The following RIMS1 variants were observed in gnomAD, a reference collection of about 807,000 sequenced individuals.
RIMS1 encodes the protein regulating synaptic membrane exocytosis 1.
RIMS1 carries 83 observed loss-of-function variants against 214.1 expected under a neutral mutation model. The ratio of observed to expected loss-of-function variants is 0.39; its 90% CI spans 0.32 to 0.47. The LOEUF is 0.47. Among genes scored for constraint, RIMS1 ranks in the 20% least tolerant of loss-of-function variants. RIMS1 has a pLI of 0.99. For synonymous variants in RIMS1, 793 were observed against 786.8 expected (o/e 1.01, Z -0.13); for missense variants, 2,050 against 2,161.8 (o/e 0.95, Z 1.03).
intron 29 of RIMS1, among the ~76,000 whole-genome samples, chr6:72,359,651 AAATT>A (rs1373839486): frequency 6.6e-6 from 1 of 152,156 alleles, no homozygotes. Context: ...TAGTACAAGA[AAATT>A]AATTGACTAC....
intron 6 of RIMS1, among the ~76,000 whole-genome samples, chr6:72,229,241 G>T (rs547333155): frequency 7.5e-6 from 1 of 133,980 alleles, no homozygotes; most frequent in Non-Finnish European, 1.6e-5. Flanking sequence ...AGTGAATATT[G>T]GCCTGAATTT....
In RIMS1 at chr6:72,093,677, T is replaced by A. The variant is rs368013593; in HGVS notation, c.246-3272T>A. Among the ~76,000 whole-genome samples, 3 of 152,252 alleles carry A rather than the reference T, an allele frequency of 2.0e-5. No individual in the cohort carries two copies. The East Asian group carries it at 5.8e-4, about 29-fold the overall frequency. The stretch of plus-strand genomic sequence containing the variant: ...ATGTGTTAGATTTTTTTTTACCATG[T>A]CATACTGTAATATTTAAATGTTCTG... On this transcript the variant is annotated intron_variant, in intron 2 of 33. Transcript: ENST00000521978.
chr6:72,282,008 T>C (rs1363888281), intron 23 of RIMS1, among the ~76,000 whole-genome samples: 1 of 151,910 alleles, frequency 6.6e-6, no homozygotes, highest in Non-Finnish European at 1.5e-5. Context: ...CAGTGCCTAG[T>C]ATATATACAT....
chr6:72,001,387 T>A (rs1805187782), intron 2 of RIMS1, among the ~76,000 whole-genome samples: 1 of 152,192 alleles, frequency 6.6e-6, no homozygotes, highest in African/African-American at 2.4e-5. Flanking sequence ...TATAATCTCA[T>A]CCTCATAATT....
intron 2 of RIMS1, among the ~76,000 whole-genome samples, chr6:72,038,634 G>A (rs148035249): frequency 1.6e-4 from 25 of 152,206 alleles, no homozygotes; most frequent in Middle Eastern, 3.4e-3. Context: ...AAAGAATCAA[G>A]GTCAGTTATG....
intron 6 of RIMS1, among the ~76,000 whole-genome samples, chr6:72,225,341 A>G (rs115244086): frequency 0.017 from 2,629 of 152,046 alleles, 25 homozygotes; most frequent in African/African-American, 0.024. Flanking sequence ...TCATTTTACT[A>G]TTTTCATTTA....
intron 1 of RIMS1, among the ~76,000 whole-genome samples, chr6:71,943,972 A>G (rs1561936276): frequency 6.6e-6 from 1 of 152,198 alleles, no homozygotes; most frequent in Non-Finnish European, 1.5e-5. Flanking sequence ...TTAACGTGTA[A>G]TATAGGAAAT....
chr6:72,075,858 A>C (rs762004812), intron 2 of RIMS1, among the ~76,000 whole-genome samples: 3 of 152,208 alleles, frequency 2.0e-5, no homozygotes, highest in Admixed American at 6.5e-5. Flanking sequence ...TTAAAATTAA[A>C]TAGTAAGAAT....
intron 1 of RIMS1, among the ~76,000 whole-genome samples, chr6:71,934,867 TA>T (rs1161517122): frequency 2.0e-5 from 3 of 152,190 alleles, no homozygotes; most frequent in African/African-American, 7.2e-5. Context: ...ATTGTATTTG[TA>T]GAAAAACCAC....
chr6:71,971,631 A>G (rs1219522817), intron 2 of RIMS1, among the ~76,000 whole-genome samples: 5 of 152,200 alleles, frequency 3.3e-5, no homozygotes, highest in Non-Finnish European at 7.3e-5. Context: ...AAAGAGGTTT[A>G]TTGGACTTAC....
chr6:72,245,888 TA>T, intron 11 of RIMS1, 27 bp downstream of exon 11: 1 of 1,498,010 alleles, frequency 6.7e-7, no homozygotes. Flanking sequence ...TTTGTTATTA[TA>T]AAAGTATTGA....
At chr6:72,145,333 G>C (rs1434024636) in intron 4 of RIMS1, among the ~76,000 whole-genome samples, 1 of 152,074 alleles carries the variant, frequency 6.6e-6, no homozygotes, top group African/African-American at 2.4e-5. Context: ...TGACATTTTT[G>C]GCCAGGTGTG....
intron 28 of RIMS1, among the ~76,000 whole-genome samples, chr6:72,328,999 T>A (rs75812440): frequency 6.6e-6 from 1 of 151,656 alleles, no homozygotes; most frequent in Non-Finnish European, 1.5e-5. Flanking sequence ...GAGTCAGTCT[T>A]GCCAAGAACT....
intron 29 of RIMS1, among the ~76,000 whole-genome samples, chr6:72,339,813 C>T (rs940063152): frequency 6.6e-6 from 1 of 151,962 alleles, no homozygotes; most frequent in African/African-American, 2.4e-5. Context: ...AATGGGATGG[C>T]TGGGTCAAAT....
At chr6:72,117,521 A>G (rs888514631) in intron 4 of RIMS1, among the ~76,000 whole-genome samples, 1 of 152,010 alleles carries the variant, frequency 6.6e-6, no homozygotes, top group Non-Finnish European at 1.5e-5. Flanking sequence ...ATTCTCCAAG[A>G]TAGACCAAAA....
rs70994124 is a variant in RIMS1 at position 72,361,096 on chromosome 6, C to CTTTTTTT, written c.4366+27285_4366+27291dup. Among the ~76,000 whole-genome samples the CTTTTTTT allele has an allele frequency of 1.6e-3, 85 of 54,446 alleles. 2 individuals are homozygous for CTTTTTTT. Among genetic ancestry groups the CTTTTTTT allele is most frequent in the African/African-American group, 2.3e-3 (30 of 12,990 alleles). The allele number at this position is 54,446 out of a possible 152,430, so 35.7% of individuals were successfully genotyped here. On this transcript the variant is annotated intron_variant, in intron 29 of 33. Transcript: ENST00000521978. Reference sequence around the variant, plus strand: ...CTTCTGTAGGAACGGGTCTTTCTTTCTTTTTTTTTTTTTTTTTTTTTTTTT... The same window carrying CTTTTTTT: ...CTTCTGTAGGAACGGGTCTTTCTTTCTTTTTTTTTTTTTTTTTTTTTTTTTTTTTTTT...
At chr6:71,928,557 T>C (rs1782189132) in intron 1 of RIMS1, among the ~76,000 whole-genome samples, 1 of 152,148 alleles carries the variant, frequency 6.6e-6, no homozygotes, top group African/African-American at 2.4e-5. Flanking sequence ...CCTATTCTTA[T>C]AGAAAAGAAC....
intron 4 of RIMS1, among the ~76,000 whole-genome samples, chr6:72,153,433 T>C (rs982885398): frequency 6.6e-6 from 1 of 152,090 alleles, no homozygotes; most frequent in African/African-American, 2.4e-5. Context: ...CCTAAGACTT[T>C]TAAAAATCTC....
intron 27 of RIMS1, among the ~76,000 whole-genome samples, chr6:72,309,701 C>A (rs1377575976): frequency 6.6e-6 from 1 of 151,838 alleles, no homozygotes; most frequent in Non-Finnish European, 1.5e-5. Flanking sequence ...TGAATAGATA[C>A]TACTATGTTA....
Sources: allele counts gnomAD v4.1 joint callset (sites outside exome capture counted in the v4.1 genomes callset), GRCh38; gene constraint gnomAD v4.1.1; transcripts MANE v1.5; gene names NCBI Gene and HGNC (gene_info 2026-07-23, HGNC 2026-07-21).